Variants in TSHZ1 observed in about 807,000 individuals in gnomAD.
TSHZ1 encodes the protein teashirt zinc finger homeobox 1, also known as teashirt homolog 1.
A neutral mutation model predicts 67.1 loss-of-function variants in TSHZ1; 12 were observed. The observed-to-expected ratio is 0.18, with a 90% CI of 0.11 to 0.29. The LOEUF is 0.29. Ranked by LOEUF, TSHZ1 falls within the 10% of genes least tolerant of loss-of-function variation. TSHZ1 has a pLI of 1.00. For missense variants in TSHZ1, 1,305 were observed against 1,413.9 expected (o/e 0.92, Z 1.23); for synonymous variants, 632 against 622.4 (o/e 1.02, Z -0.23).
intron 1 of TSHZ1, among the ~76,000 whole-genome samples, chr18:75,265,325 T>G (rs1472621151): frequency 6.6e-6 from 1 of 152,190 alleles, no homozygotes; most frequent in Non-Finnish European, 1.5e-5. Context: ...GCTTTTCTAC[T>G]GTCATATTTG....
chr18:75,259,079 T>C (rs2023398569), intron 1 of TSHZ1, among the ~76,000 whole-genome samples: 1 of 152,208 alleles, frequency 6.6e-6, no homozygotes, highest in South Asian at 2.1e-4. Context: ...TCCTCACCTT[T>C]CTATGTGCCC....
At chr18:75,225,004 A>G (rs1384753520) in intron 1 of TSHZ1, among the ~76,000 whole-genome samples, 1 of 151,392 alleles carries the variant, frequency 6.6e-6, no homozygotes, top group East Asian at 1.9e-4. Context: ...TTTCTTTCTT[A>G]GAAAAGCTGG....
chr18:75,230,342 C>T (rs1487697017), intron 1 of TSHZ1, among the ~76,000 whole-genome samples: 1 of 152,070 alleles, frequency 6.6e-6, no homozygotes, highest in Non-Finnish European at 1.5e-5. Flanking sequence ...GCTGGAGCAG[C>T]GTGTTCCTAG....
At chr18:75,255,339 C>G (rs975529018) in intron 1 of TSHZ1, among the ~76,000 whole-genome samples, 2 of 152,090 alleles carry the variant, frequency 1.3e-5, no homozygotes, top group African/African-American at 4.8e-5. Context: ...CCTGGTAGAG[C>G]TGTAGGAAAT....
intron 1 of TSHZ1, among the ~76,000 whole-genome samples, chr18:75,226,784 C>T (rs1010662570): frequency 2.6e-5 from 4 of 152,098 alleles, no homozygotes; most frequent in South Asian, 2.1e-4. Context: ...GAAACGCCGC[C>T]GACAAAGCCT....
chr18:75,264,843 A>G (rs1387890076), intron 1 of TSHZ1, among the ~76,000 whole-genome samples: 2 of 152,224 alleles, frequency 1.3e-5, no homozygotes, highest in Non-Finnish European at 2.9e-5. Flanking sequence ...GGAGACAAAC[A>G]TTTCTAGTTA....
At chr18:75,274,401 C>A (rs915487506) in intron 1 of TSHZ1, among the ~76,000 whole-genome samples, 3 of 152,020 alleles carry the variant, frequency 2.0e-5, no homozygotes, top group African/African-American at 7.3e-5. Context: ...GGAGAAAATG[C>A]AGAGGTGGTG....
chr18:75,265,455 A>T lies in TSHZ1; in HGVS notation c.41-19993A>T, dbSNP rs576446393. Among the ~76,000 whole-genome samples, 10 of 152,362 alleles carry T rather than the reference A, an allele frequency of 6.6e-5. No homozygotes were observed. The South Asian group carries it at 2.1e-3, about 32-fold the overall frequency. On this transcript the variant is annotated intron_variant, in intron 1 of 1. Coordinates refer to ENST00000580243, the MANE Select transcript of TSHZ1 (RefSeq NM_001308210.2). ...GTATGGCCGCTGAGTTAATGTACTT[A>T]CAAATGACAGAGAAAGTGTGTTACA...
chr18:75,248,726 T>C (rs1485372321), intron 1 of TSHZ1, among the ~76,000 whole-genome samples: 18 of 152,268 alleles, frequency 1.2e-4, no homozygotes, highest in Non-Finnish European at 2.9e-5. Context: ...CATATAGATA[T>C]ACGTTTACTT....
rs940163215 is a variant in TSHZ1, at chr18:75,211,406, G to C, written c.-471G>C. The C allele has an allele frequency of 6.6e-6, 1 of 151,928 alleles. No homozygotes were observed. The highest frequency in any genetic ancestry group is 1.5e-5 in the Non-Finnish European group (1 of 67,960). The allele number at this position is 151,928 out of a possible 1,614,324, so 9.4% of individuals were successfully genotyped here. A position where few individuals can be genotyped will look rare whatever the true frequency, so the allele number is the denominator to read the frequency against. On this transcript the variant is annotated 5_prime_UTR_variant, in exon 1 of 2. Transcript: ENST00000580243. The stretch of plus-strand genomic sequence containing the variant: ...CCGCGACCCCCAAACAGCGAGGAGA[G>C]AGGGGGAGAGAAAGTTGCGCTCGGC...
At chr18:75,227,800 G>C (rs1040864131) in intron 1 of TSHZ1, among the ~76,000 whole-genome samples, 44 of 152,350 alleles carry the variant, frequency 2.9e-4, no homozygotes, top group Non-Finnish European at 3.4e-4. Flanking sequence ...AGGAGTGGCT[G>C]TTTCCTAGGC....
At chr18:75,245,314 G>A (rs1417718152) in intron 1 of TSHZ1, 1 of 152,214 alleles carries the variant, frequency 6.6e-6, no homozygotes, top group Admixed American at 6.5e-5. Context: ...GCCACCTGAA[G>A]CTGTGGAAAC....
rs1163485035 is a variant in TSHZ1, at chr18:75,285,636, C to A, written c.229C>A (p.Pro77Thr). 5.0e-6 allele frequency: 8 copies of A among 1,613,732 alleles called. No homozygotes were observed. Among genetic ancestry groups the A allele is most frequent in the Non-Finnish European group, 6.8e-6 (8 of 1,179,890 alleles). Residue 77 changes from proline to threonine, a missense_variant, in exon 2 of 2, where the codon CCC (proline) becomes ACC (threonine). By Grantham distance (38) the Pro-to-Thr change is conservative. This residue lies in a region of TSHZ1 where 358 missense variants were observed against 375.6 expected (regional missense o/e 0.95). Transcript: ENST00000580243. ...ATNQDAGYGSPFSESSDQLAH... is the reference protein window; with the variant it reads ...ATNQDAGYGSTFSESSDQLAH... ...TAACCAGGACGCCGGCTACGGGTCG[C>A]CCTTCAGTGAGAGCAGCGACCAGCT... is the stretch of plus-strand genomic sequence containing the variant.
chr18:75,220,441 C>T (rs1455507929), intron 1 of TSHZ1, among the ~76,000 whole-genome samples: 3 of 152,142 alleles, frequency 2.0e-5, no homozygotes, highest in Non-Finnish European at 4.4e-5. Flanking sequence ...TGGTTATTGT[C>T]AGGCAAGGAA....
intron 1 of TSHZ1, among the ~76,000 whole-genome samples, chr18:75,220,480 A>C (rs148773214): frequency 3.3e-3 from 502 of 152,248 alleles, no homozygotes; most frequent in African/African-American, 0.011. Context: ...GAGATTTTTG[A>C]GCTCAGTTAT....
intron 1 of TSHZ1, among the ~76,000 whole-genome samples, chr18:75,222,689 G>A (rs1159438826): frequency 6.6e-6 from 1 of 152,166 alleles, no homozygotes; most frequent in Non-Finnish European, 1.5e-5. Context: ...GCTCCAGGCA[G>A]ACTATGTTTA....
chr18:75,261,762 A>C (rs551041734), intron 1 of TSHZ1, among the ~76,000 whole-genome samples: 44 of 152,390 alleles, frequency 2.9e-4, no homozygotes, highest in Admixed American at 7.8e-4. Flanking sequence ...GGCTGAAATG[A>C]AAAGACTTGC....
At chr18:75,248,423 C>G (rs534988387) in intron 1 of TSHZ1, among the ~76,000 whole-genome samples, 2 of 152,362 alleles carry the variant, frequency 1.3e-5, no homozygotes, top group African/African-American at 4.8e-5. Flanking sequence ...CCTTCACGCT[C>G]ACCTTCGTGT....
intron 1 of TSHZ1, among the ~76,000 whole-genome samples, chr18:75,219,242 AAGGTGT>A (rs2022813706): frequency 1.3e-5 from 2 of 152,218 alleles, no homozygotes; most frequent in African/African-American, 4.8e-5. Context: ...GATTTAATAA[AAGGTGT>A]AGCTGGGCAG....
Sources: allele counts gnomAD v4.1 joint callset (sites outside exome capture counted in the v4.1 genomes callset), GRCh38; gene constraint gnomAD v4.1.1; regional missense constraint gnomAD v4.1.1; transcripts MANE v1.5; gene names NCBI Gene and HGNC (gene_info 2026-07-23, HGNC 2026-07-21).